Variants in PCDH15 observed in about 807,000 individuals in gnomAD.
The protein encoded by PCDH15 is protocadherin related 15, also known as protocadherin-15.
PCDH15 carries 129 observed loss-of-function variants against 178.5 expected under a neutral mutation model. The ratio of observed to expected loss-of-function variants is 0.72; its 90% CI spans 0.63 to 0.84. PCDH15 has a LOEUF of 0.84. Ranked by LOEUF, PCDH15 falls within the 40% of genes least tolerant of loss-of-function variation. The pLI is 0.00. For missense variants in PCDH15, 2,230 were observed against 2,099.9 expected, an observed-to-expected ratio of 1.06 and a Z score of -1.21; for synonymous variants, 800 against 732.0, an observed-to-expected ratio of 1.09 and a Z score of -1.50.
At chr10:55,373,707 C>G (rs1179418238) in intron 2 of PCDH15, among the ~76,000 whole-genome samples, 1 of 152,008 alleles carries the variant, frequency 6.6e-6, no homozygotes, top group East Asian at 1.9e-4. Flanking sequence ...AGGCTTCAGA[C>G]CCCCACCCAA....
chr10:54,189,363 C>T, intron 11 of PCDH15: 1 of 1,573,610 alleles, frequency 6.4e-7, no homozygotes, highest in Non-Finnish European at 8.6e-7. Flanking sequence ...CTAGTACCTA[C>T]AGGAACTCCA....
chr10:54,931,993 C>T (rs1837789896), intron 2 of PCDH15, among the ~76,000 whole-genome samples: 1 of 152,126 alleles, frequency 6.6e-6, no homozygotes, highest in African/African-American at 2.4e-5. Flanking sequence ...CAGTCATATG[C>T]CTCTTAACAA....
At chr10:55,089,060 A>G (rs1345595304) in intron 2 of PCDH15, among the ~76,000 whole-genome samples, 1 of 152,152 alleles carries the variant, frequency 6.6e-6, no homozygotes, top group Non-Finnish European at 1.5e-5. Context: ...AGCCTGGTGA[A>G]ATATGAAGAA....
intron 3 of PCDH15, among the ~76,000 whole-genome samples, chr10:54,526,200 C>T (rs1266950513): frequency 6.6e-6 from 1 of 152,168 alleles, no homozygotes; most frequent in African/African-American, 2.4e-5. Context: ...AGGAAATAAA[C>T]TATCATCATT....
At chr10:53,984,630 G>A (rs2134680201) in intron 21 of PCDH15, among the ~76,000 whole-genome samples, 1 of 152,110 alleles carries the variant, frequency 6.6e-6, no homozygotes, top group East Asian at 1.9e-4. Context: ...TGGATCTCAA[G>A]GGCACAGATT....
chr10:54,783,758 G>A (rs973574716), intron 1 of PCDH15, among the ~76,000 whole-genome samples: 5 of 152,128 alleles, frequency 3.3e-5, no homozygotes, highest in African/African-American at 1.2e-4. Flanking sequence ...GGGGAGGCTG[G>A]GAGGGGAATA....
intron 21 of PCDH15, among the ~76,000 whole-genome samples, chr10:53,963,663 T>A (rs2134325067): frequency 6.6e-6 from 1 of 152,232 alleles, no homozygotes; most frequent in East Asian, 1.9e-4. Flanking sequence ...CTCCCAAATT[T>A]ATAACTCTTC....
chr10:54,273,374 TAA>T (rs201148501), intron 8 of PCDH15, among the ~76,000 whole-genome samples: 1 of 81,212 alleles, frequency 1.2e-5, no homozygotes, highest in Admixed American at 1.3e-4. Flanking sequence ...AGTAGTACAG[TAA>T]AAAAAAAAAG....
chr10:55,131,981 T>A (rs1838061557), intron 2 of PCDH15, among the ~76,000 whole-genome samples: 1 of 152,092 alleles, frequency 6.6e-6, no homozygotes, highest in African/African-American at 2.4e-5. Flanking sequence ...CCTGCCACCA[T>A]AAACCCATTG....
At chr10:55,401,579 G>A (rs962082351) in intron 2 of PCDH15, among the ~76,000 whole-genome samples, 2 of 140,376 alleles carry the variant, frequency 1.4e-5, no homozygotes, top group South Asian at 4.4e-4. Flanking sequence ...TTCTTTACTG[G>A]ACCAATTTGC....
At chr10:54,892,817 C>G (rs973205192) in intron 3 of PCDH15, among the ~76,000 whole-genome samples, 4 of 151,404 alleles carry the variant, frequency 2.6e-5, no homozygotes, top group Non-Finnish European at 5.9e-5. Flanking sequence ...GCCTCTGCCC[C>G]CCAGGTTCAA....
intron 2 of PCDH15, among the ~76,000 whole-genome samples, chr10:55,593,885 A>C (rs971362939): frequency 6.6e-6 from 1 of 151,852 alleles, no homozygotes; most frequent in African/African-American, 2.4e-5. Flanking sequence ...TTGAATTGTC[A>C]TTTGGGGATT....
intron 1 of PCDH15, among the ~76,000 whole-genome samples, chr10:54,798,762 G>GT (rs1952326065): frequency 6.6e-6 from 1 of 152,036 alleles, no homozygotes; most frequent in South Asian, 2.1e-4. Flanking sequence ...TTAAAACCAT[G>GT]TATTTCTCCC....
intron 3 of PCDH15, among the ~76,000 whole-genome samples, chr10:54,526,898 A>T (rs2083413412): frequency 6.6e-6 from 1 of 152,130 alleles, no homozygotes; most frequent in Non-Finnish European, 1.5e-5. Flanking sequence ...TCCAAAGTAC[A>T]TGTACGCGTG....
intron 2 of PCDH15, among the ~76,000 whole-genome samples, chr10:54,577,461 G>T (rs2090600343): frequency 6.6e-6 from 1 of 151,848 alleles, no homozygotes. Flanking sequence ...TAATGTAAAT[G>T]CAAGTTAAAA....
At chr10:54,799,502 T>C (rs1022193598) in intron 1 of PCDH15, among the ~76,000 whole-genome samples, 1 of 152,136 alleles carries the variant, frequency 6.6e-6, no homozygotes, top group African/African-American at 2.4e-5. Context: ...TATTCAAAAC[T>C]TCATGCCATA....
At chr10:54,917,040 G>A (rs1837354571) in intron 2 of PCDH15, among the ~76,000 whole-genome samples, 1 of 152,170 alleles carries the variant, frequency 6.6e-6, no homozygotes, top group South Asian at 2.1e-4. Flanking sequence ...TAGAAATTTA[G>A]AAGACATGCT....
At chr10:53,931,522 C>T (rs1341003720) in intron 25 of PCDH15, among the ~76,000 whole-genome samples, 4 of 152,132 alleles carry the variant, frequency 2.6e-5, no homozygotes, top group Non-Finnish European at 5.9e-5. Flanking sequence ...TGTCGTTGCG[C>T]AGACTAAATC....
chr10:55,448,583 A>C (rs1296908766), intron 2 of PCDH15, among the ~76,000 whole-genome samples: 2 of 151,908 alleles, frequency 1.3e-5, no homozygotes, highest in East Asian at 1.9e-4. Context: ...AGAACTTCTT[A>C]CTAGTTATTG....
Sources: allele counts gnomAD v4.1 joint callset (sites outside exome capture counted in the v4.1 genomes callset), GRCh38; gene constraint gnomAD v4.1.1; transcripts MANE v1.5; gene names NCBI Gene and HGNC (gene_info 2026-07-23, HGNC 2026-07-21).